Variants in SH3GL2 observed in about 807,000 individuals in gnomAD.
The protein encoded by SH3GL2 is endophilin-A1.
SH3GL2 carries 24 observed loss-of-function variants against 46.0 expected under a neutral mutation model. The observed-to-expected ratio is 0.52, with a 90% CI of 0.38 to 0.73. The LOEUF (loss-of-function observed/expected upper bound fraction) is 0.73, where lower values mean the gene tolerates loss of function less well. Among genes scored for constraint, SH3GL2 ranks in the 30% least tolerant of loss-of-function variants. The pLI is 0.00. For synonymous variants in SH3GL2, 196 were observed against 147.1 expected, an observed-to-expected ratio of 1.33 and a Z score of -2.40; for missense variants, 413 against 424.2, an observed-to-expected ratio of 0.97 and a Z score of 0.23.
intron 1 of SH3GL2, among the ~76,000 whole-genome samples, chr9:17,645,091 C>T (rs1041143375): frequency 4.4e-5 from 6 of 135,088 alleles, no homozygotes; most frequent in Admixed American, 7.5e-5. Flanking sequence ...CCTTCTTTGT[C>T]TTTTTTGATC....
At chr9:17,684,584 A>C (rs1820856564) in intron 1 of SH3GL2, among the ~76,000 whole-genome samples, 1 of 152,148 alleles carries the variant, frequency 6.6e-6, no homozygotes, top group Non-Finnish European at 1.5e-5. Flanking sequence ...GTTTTCCCAA[A>C]CTAATGACAC....
intron 1 of SH3GL2, among the ~76,000 whole-genome samples, chr9:17,622,335 G>C (rs1007078164): frequency 4.6e-5 from 7 of 152,130 alleles, no homozygotes; most frequent in African/African-American, 1.7e-4. Context: ...TAAATGGGAG[G>C]ATAGCTTCCA....
intron 1 of SH3GL2, among the ~76,000 whole-genome samples, chr9:17,617,370 C>G (rs748106005): frequency 6.6e-6 from 1 of 152,168 alleles, no homozygotes; most frequent in African/African-American, 2.4e-5. Context: ...ATCATTGTTT[C>G]CCAGTGCTCC....
At chr9:17,770,445 G>A (rs1189493535) in intron 3 of SH3GL2, among the ~76,000 whole-genome samples, 4 of 152,178 alleles carry the variant, frequency 2.6e-5, no homozygotes, top group African/African-American at 7.2e-5. Flanking sequence ...GGCTTGGTAA[G>A]TGTGGCAAGT....
At chr9:17,693,066 G>A (rs1265645385) in intron 1 of SH3GL2, among the ~76,000 whole-genome samples, 1 of 152,136 alleles carries the variant, frequency 6.6e-6, no homozygotes, top group Non-Finnish European at 1.5e-5. Flanking sequence ...TGGGGACACA[G>A]CCAAACCATA....
At chr9:17,641,913 G>A (rs1819694263) in intron 1 of SH3GL2, among the ~76,000 whole-genome samples, 1 of 152,186 alleles carries the variant, frequency 6.6e-6, no homozygotes, top group African/African-American at 2.4e-5. Flanking sequence ...GTGTGCATGT[G>A]TCTTTAGAGT....
intron 1 of SH3GL2, among the ~76,000 whole-genome samples, chr9:17,643,295 C>T (rs943408529): frequency 3.9e-5 from 6 of 152,102 alleles, no homozygotes; most frequent in Non-Finnish European, 8.8e-5. Context: ...TGGACTGAGA[C>T]GATGGGGTTT....
chr9:17,673,366 C>G (rs567832366), intron 1 of SH3GL2, among the ~76,000 whole-genome samples: 1 of 149,136 alleles, frequency 6.7e-6, no homozygotes, highest in East Asian at 2.0e-4. Flanking sequence ...GTTGCCGAGG[C>G]TGGTCCCGAA....
intron 1 of SH3GL2, among the ~76,000 whole-genome samples, chr9:17,744,335 C>T (rs931181790): frequency 2.0e-5 from 3 of 151,940 alleles, no homozygotes; most frequent in African/African-American, 7.3e-5. Flanking sequence ...GTAACTTAAA[C>T]CTGAATATGC....
rs1017751305 is a variant in SH3GL2, at chr9:17,673,662, C to T, written c.46-73404C>T. On this transcript the variant is annotated intron_variant, in intron 1 of 8. Coordinates refer to ENST00000380607, the MANE Select transcript of SH3GL2 (RefSeq NM_003026.5). ...TCTCCTTGTCCATCTTGATGTCTTG[C>T]CATTCCCCAAACATAACTTTAGAAT... 2.0e-5 allele frequency among the ~76,000 whole-genome samples: 3 copies of T among 152,296 alleles called. 1 individual carries two copies. Among genetic ancestry groups the T allele is most frequent in the South Asian group, 4.2e-4 (2 of 4,816 alleles).
chr9:17,733,515 G>C lies in SH3GL2; in HGVS notation c.46-13551G>C, dbSNP rs1822239939. Among the ~76,000 whole-genome samples, 6 of 151,076 alleles carry C rather than the reference G, an allele frequency of 4.0e-5. No individual in the cohort carries two copies. In the Admixed American group the frequency reaches 4.0e-4, roughly 10 times the overall value. On this transcript the variant is annotated intron_variant, in intron 1 of 8. Coordinates refer to ENST00000380607, the MANE Select transcript of SH3GL2 (RefSeq NM_003026.5). ...GGAGAAATAGGAACACTTTTACACT[G>C]TTGGTGGGACTGTAAACTAGTTCAA...
intron 1 of SH3GL2, among the ~76,000 whole-genome samples, chr9:17,637,701 A>T (rs1316448432): frequency 6.6e-6 from 1 of 152,196 alleles, no homozygotes; most frequent in African/African-American, 2.4e-5. Context: ...TAAGAGTGGG[A>T]TAATAACCTC....
chr9:17,687,537 A>G (rs1441280525), intron 1 of SH3GL2, among the ~76,000 whole-genome samples: 1 of 149,234 alleles, frequency 6.7e-6, no homozygotes, highest in Non-Finnish European at 1.5e-5. Flanking sequence ...TTGTCAACAT[A>G]CAGCATAGTG....
At chr9:17,735,614 G>A (rs1241712037) in intron 1 of SH3GL2, 1 of 169,506 alleles carries the variant, frequency 5.9e-6, no homozygotes, top group Admixed American at 6.5e-5. Flanking sequence ...GGGTTCTACA[G>A]GGCCAACTGA....
At chr9:17,655,909 C>T (rs1281665160) in intron 1 of SH3GL2, among the ~76,000 whole-genome samples, 2 of 152,194 alleles carry the variant, frequency 1.3e-5, no homozygotes, top group Non-Finnish European at 2.9e-5. Context: ...CAGGGATCTG[C>T]ACTTCATGAT....
intron 1 of SH3GL2, among the ~76,000 whole-genome samples, chr9:17,649,703 T>C (rs1461473812): frequency 6.6e-6 from 1 of 152,244 alleles, no homozygotes; most frequent in African/African-American, 2.4e-5. Context: ...TTAGGTCTCA[T>C]TTCAGGTTTG....
chr9:17,667,787 T>G (rs1820382769), intron 1 of SH3GL2, among the ~76,000 whole-genome samples: 1 of 152,202 alleles, frequency 6.6e-6, no homozygotes. Flanking sequence ...CTTGAGAGTT[T>G]CCATTTCTCC....
chr9:17,747,088 G>A lies in SH3GL2; in HGVS notation c.68G>A (p.Gly23Glu), dbSNP rs1822711183. The A allele has an allele frequency of 6.2e-6, 10 of 1,608,842 alleles. No homozygotes were observed. Among genetic ancestry groups the A allele is most frequent in the Non-Finnish European group, 8.5e-6 (10 of 1,175,408 alleles). Reference protein sequence around the residue: ...ATQKVSEKVGGAEGTKLDDDF... With the variant: ...ATQKVSEKVGEAEGTKLDDDF... ...CAGAAAGTGAGTGAGAAGGTTGGAG[G>A]AGCTGAAGGAACCAAGCTAGATGAT... The change falls in exon 2 of 9, where the codon GGA becomes GAA. Residue 23 changes from glycine (G) to glutamate (E), a missense_variant. Physicochemically the swap from Gly to Glu is moderately conservative, Grantham distance 98. Around this residue, in one of 3 missense-constraint regions of SH3GL2, gnomAD observed 160 missense variants for 192.3 expected, o/e 0.83. Transcript: ENST00000380607.
chr9:17,740,237 T>C (rs1431344272), intron 1 of SH3GL2, among the ~76,000 whole-genome samples: 2 of 152,136 alleles, frequency 1.3e-5, no homozygotes, highest in Non-Finnish European at 2.9e-5. Flanking sequence ...TATATATTTT[T>C]TGAAATCCAT....
Sources: gnomAD v4.1 joint callset for allele counts (sites outside exome capture counted in the v4.1 genomes callset) on GRCh38, gnomAD v4.1.1 for gene constraint, gnomAD v4.1.1 regional missense constraint, MANE v1.5 for transcripts, NCBI Gene and HGNC (gene_info 2026-07-23, HGNC 2026-07-21) for gene names.